Variants in FUNDC1 observed in about 807,000 individuals in gnomAD.
FUNDC1 encodes FUN14 domain containing 1, also known as FUN14 domain-containing protein 1.
A neutral mutation model predicts 14.5 loss-of-function variants in FUNDC1; 10 were observed. That is an observed-to-expected ratio of 0.69 (90% CI 0.43 to 1.17). FUNDC1 has a LOEUF of 1.17. Ranked by LOEUF, FUNDC1 falls within the 50% of genes most tolerant of loss-of-function variation. The pLI is 0.00. For missense variants in FUNDC1, 115 were observed against 113.8 expected (o/e 1.01, Z -0.05); for synonymous variants, 33 against 39.7 (o/e 0.83, Z 0.64).
intron 2 of FUNDC1, among the ~76,000 whole-genome samples, chrX:44,540,711 T>G (rs1293880312): frequency 1.8e-5 from 2 of 112,012 alleles, no homozygotes; most frequent in African/African-American, 6.5e-5. Context: ...CTCAATTATT[T>G]TTGAGTCTGT....
chrX:44,524,938 G>C (rs992960985), intron 4 of FUNDC1, among the ~76,000 whole-genome samples: 2 of 111,413 alleles, frequency 1.8e-5, no homozygotes, highest in African/African-American at 6.5e-5. Flanking sequence ...AATTGTCACA[G>C]CAGGCACAAT....
chrX:44,540,712 T>A (rs2038968262), intron 2 of FUNDC1, among the ~76,000 whole-genome samples: 1 of 112,084 alleles, frequency 8.9e-6, no homozygotes, highest in Admixed American at 9.6e-5. Context: ...TCAATTATTT[T>A]TGAGTCTGTT....
chrX:44,533,748 A>G (rs746879905), intron 3 of FUNDC1, among the ~76,000 whole-genome samples: 5 of 110,302 alleles, frequency 4.5e-5, no homozygotes, highest in African/African-American at 1.6e-4. Flanking sequence ...GAAAAGCAAG[A>G]AACAGAATGC....
At chrX:44,536,302 G>A (rs1322688636) in intron 3 of FUNDC1, among the ~76,000 whole-genome samples, 1 of 98,308 alleles carries the variant, frequency 1.0e-5, no homozygotes, top group Non-Finnish European at 2.0e-5. Context: ...CTGGGCGACA[G>A]AGCGAGACTC....
intron 3 of FUNDC1, among the ~76,000 whole-genome samples, chrX:44,535,199 A>C (rs2038942359): frequency 9.0e-6 from 1 of 110,961 alleles, no homozygotes; most frequent in African/African-American, 3.3e-5. Context: ...CAAAACAAAA[A>C]GGGAATATCC....
chrX:44,538,984 A>G (rs2038959815), intron 2 of FUNDC1, among the ~76,000 whole-genome samples: 1 of 111,278 alleles, frequency 9.0e-6, no homozygotes, highest in South Asian at 3.8e-4. Flanking sequence ...CCTTTGCTCA[A>G]GCTATTAATC....
At chrX:44,528,456 G>A (rs1250971103) in intron 3 of FUNDC1, among the ~76,000 whole-genome samples, 1 of 112,039 alleles carries the variant, frequency 8.9e-6, no homozygotes, top group African/African-American at 3.2e-5. Context: ...GTTAGTACTT[G>A]ATACAGCAAT....
chrX:44,533,627 C>CAAAAAAAAAAAAAAAAAAAAAAAAAA (rs1156843539), intron 3 of FUNDC1, among the ~76,000 whole-genome samples: 1 of 18,731 alleles, frequency 5.3e-5, no homozygotes, highest in Non-Finnish European at 9.0e-5. Flanking sequence ...GACTCCGTCT[C>CAAAAAAAAAAAAAAAAAAAAAAAAAA]AAAAAAAAAA....
chrX:44,532,815 G>T (rs1252586974), intron 3 of FUNDC1, among the ~76,000 whole-genome samples: 1 of 111,382 alleles, frequency 9.0e-6, no homozygotes, highest in African/African-American at 3.3e-5. Context: ...GCCTCCCAAA[G>T]TGCTGGGATT....
intron 1 of FUNDC1, 54 bp downstream of exon 1, chrX:44,542,751 G>C: frequency 9.0e-7 from 1 of 1,113,525 alleles, no homozygotes; most frequent in East Asian, 3.4e-5. Context: ...ATAGGAGCAA[G>C]GTCGAGAGCT....
At chrX:44,536,568 C>A (rs1403641653) in intron 3 of FUNDC1, among the ~76,000 whole-genome samples, 1 of 111,272 alleles carries the variant, frequency 9.0e-6, no homozygotes, top group East Asian at 2.8e-4. Context: ...ATAGGGAAAA[C>A]AAAACAGGTC....
chrX:44,526,258 G>A (rs1601899903), intron 4 of FUNDC1, among the ~76,000 whole-genome samples: 1 of 110,930 alleles, frequency 9.0e-6, no homozygotes, highest in African/African-American at 3.3e-5. Flanking sequence ...GTGAAACCCT[G>A]TCTCTACTAA....
intron 2 of FUNDC1, among the ~76,000 whole-genome samples, chrX:44,540,259 T>C (rs895877913): frequency 2.7e-5 from 3 of 111,589 alleles, no homozygotes; most frequent in African/African-American, 9.8e-5. Context: ...TCCTCCTTAA[T>C]ATACACCATA....
intron 4 of FUNDC1, among the ~76,000 whole-genome samples, chrX:44,527,033 T>C (rs768313393): frequency 2.0e-3 from 205 of 101,719 alleles, no homozygotes; most frequent in African/African-American, 7.1e-3. Flanking sequence ...GGGGAATCTA[T>C]GATAACCACC....
Position 44,542,084 on chromosome X carries a change from C to T in FUNDC1, c.46G>A (p.Asp16Asn), listed in dbSNP as rs181489310. The T allele has an allele frequency of 9.2e-6, 11 of 1,195,604 alleles. No individual in the cohort carries two copies. The East Asian group carries it at 1.2e-4, about 13-fold the overall frequency. ...GTTAAATCCAACACTTCATAAGAGT[C>T]GTCATCACTTTCATAGTCTTCAAAA... ...PPPQDYESDD[D>N]SYEVLDLTEY... The change falls in exon 2 of 5, where the codon GAC (aspartate) becomes AAC (asparagine). Residue 16 changes from aspartate (D) to asparagine (N), a missense_variant. Physicochemically the swap from Asp to Asn is conservative, Grantham distance 23. Transcript: ENST00000378045.
At chrX:44,532,726 A>T (rs1458345411) in intron 3 of FUNDC1, among the ~76,000 whole-genome samples, 1 of 108,816 alleles carries the variant, frequency 9.2e-6, no homozygotes, top group Non-Finnish European at 1.9e-5. Flanking sequence ...CTAATTTTGT[A>T]CTTTTAGTAG....
At chrX:44,525,951 C>T (rs2038899266) in intron 4 of FUNDC1, among the ~76,000 whole-genome samples, 1 of 106,288 alleles carries the variant, frequency 9.4e-6, no homozygotes, top group African/African-American at 3.5e-5. Context: ...GATCCTGGCA[C>T]TTTGGGAGGC....
chrX:44,527,925 T>C lies in FUNDC1; in HGVS notation c.262-560A>G, dbSNP rs148168621. On this transcript the variant is annotated intron_variant, in intron 3 of 4. Coordinates refer to ENST00000378045, the MANE Select transcript of FUNDC1 (RefSeq NM_173794.4). ...TTAAGAATACTTTCTGGTAATTGCT[T>C]TTGAAAGTAGAATATAAAACAAACT... is the stretch of plus-strand genomic sequence containing the variant. 1.1e-3 allele frequency among the ~76,000 whole-genome samples: 121 copies of C among 111,892 alleles called. 1 individual carries two copies. The East Asian group carries it at 0.03, about 28-fold the overall frequency.
intron 3 of FUNDC1, among the ~76,000 whole-genome samples, chrX:44,533,826 G>C (rs1333354124): frequency 1.8e-5 from 2 of 109,299 alleles, no homozygotes; most frequent in African/African-American, 6.7e-5. Flanking sequence ...CACTTTGGGA[G>C]ACCGAGGTGG....
Sources: gnomAD v4.1 joint callset for allele counts (sites outside exome capture counted in the v4.1 genomes callset) on GRCh38, gnomAD v4.1.1 for gene constraint, MANE v1.5 for transcripts, NCBI Gene and HGNC (gene_info 2026-07-23, HGNC 2026-07-21) for gene names.